The following FREM3 variants were observed in gnomAD, a reference collection of about 807,000 sequenced individuals.
FREM3 encodes FRAS1 related extracellular matrix 3.
FREM3 carries 105 observed loss-of-function variants against 129.1 expected under a neutral mutation model. That is an observed-to-expected ratio of 0.81 (90% CI 0.69 to 0.96). The LOEUF is 0.96. FREM3 is among the 40% of genes least tolerant of loss of function. FREM3 has a pLI of 0.00. For synonymous variants in FREM3, 1,014 were observed against 1,044.9 expected (o/e 0.97, Z 0.57); for missense variants, 2,593 against 2,666.3 (o/e 0.97, Z 0.61).
At chr4:143,600,434 T>C (rs1171687888) in intron 6 of FREM3, among the ~76,000 whole-genome samples, 2 of 152,098 alleles carry the variant, frequency 1.3e-5, no homozygotes, top group African/African-American at 2.4e-5. Flanking sequence ...AGAACTTATT[T>C]ATGTAACCAA....
chr4:143,664,262 T>G (rs759655934), intron 2 of FREM3, among the ~76,000 whole-genome samples: 2 of 152,130 alleles, frequency 1.3e-5, no homozygotes, highest in Non-Finnish European at 2.9e-5. Context: ...GATGAGTTTT[T>G]GGTGTGGATG....
At position 143,585,351 on chromosome 4, in the gene FREM3, A is replaced by G. The variant is rs987644921; in HGVS notation, c.6178+493T>C. On this transcript the variant is annotated intron_variant, in intron 7 of 7. Coordinates refer to ENST00000329798, the MANE Select transcript of FREM3 (RefSeq NM_001168235.2). The surrounding 1 kb of genome is among the most constrained non-coding windows in gnomAD (Gnocchi z 4.2). ...AGGAAATGATATCTAGAATTGTGCC[A>G]TGCTGTCAGCTAGGCCTTGATCATC... Among the ~76,000 whole-genome samples the G allele has an allele frequency of 6.6e-6, 1 of 152,210 alleles. No homozygotes were observed. Among genetic ancestry groups the G allele is most frequent in the Admixed American group, 6.5e-5 (1 of 15,288 alleles).
chr4:143,699,263 A>G lies in FREM3; in HGVS notation c.1413T>C (p.Ala471=). The change falls in exon 1 of 8, where the codon GCT becomes GCC. Residue 471 remains alanine, a synonymous_variant. Transcript: ENST00000329798. This position sits in a 1 kb window ranked among gnomAD's most constrained non-coding sequence, Gnocchi z 4.2. The part of the protein sequence containing the change: ...DKDNLEEVKM[A]AVRGLRHGQL... ...GCCCATGTCTCAAGCCCCTGACTGC[A>G]GCCATTTTCACCTCTTCCAGGTTAT... 3.3e-6 allele frequency: 5 copies of G among 1,537,314 alleles called. No homozygotes were observed. The African/African-American group carries it at 6.8e-5, about 21-fold the overall frequency.
chr4:143,697,380 T>G lies in FREM3; in HGVS notation c.3296A>C (p.Asp1099Ala). The change falls in exon 1 of 8, where the codon GAC (aspartate) becomes GCC (alanine). Residue 1099 changes from aspartate (D) to alanine (A), a missense_variant. Asp to Ala is a moderately radical substitution (Grantham distance 126). This residue lies in a region of FREM3 where 2,276 missense variants were observed against 2,267.2 expected (regional missense o/e 1.00). Transcript: ENST00000329798. ...TLQHLHVEDV[D>A]THQDELLCTV... ...GCAGAGGAGTTCATCTTGATGAGTG[T>G]CCACATCTTCAACATGGAGATGTTG... 6.5e-7 allele frequency: 1 copy of G among 1,537,142 alleles called. No individual in the cohort carries two copies. The highest frequency in any genetic ancestry group is 8.7e-7 in the Non-Finnish European group (1 of 1,146,828).
intron 6 of FREM3, among the ~76,000 whole-genome samples, chr4:143,587,637 G>T (rs182202722): frequency 5.3e-5 from 8 of 152,304 alleles, no homozygotes; most frequent in African/African-American, 1.9e-4. Context: ...AGGAAAGAAG[G>T]AGGATAGGCA....
chr4:143,609,135 GT>G (rs1370715371), intron 6 of FREM3, among the ~76,000 whole-genome samples: 1 of 152,092 alleles, frequency 6.6e-6, no homozygotes, highest in Non-Finnish European at 1.5e-5. Flanking sequence ...CCTAGCCAAG[GT>G]TACCCAGAGA....
intron 3 of FREM3, 37 bp from the exon 4 acceptor site, chr4:143,624,375 A>G: frequency 1.6e-6 from 2 of 1,254,122 alleles, no homozygotes; most frequent in Admixed American, 2.0e-5. Context: ...TATAAAGCCA[A>G]GTGACTGAAG....
chr4:143,638,332 C>T (rs897517418), intron 2 of FREM3, among the ~76,000 whole-genome samples: 3 of 152,094 alleles, frequency 2.0e-5, no homozygotes, highest in Non-Finnish European at 4.4e-5. Flanking sequence ...AAATACACTG[C>T]GTGCCCACAT....
chr4:143,652,005 C>A (rs948162255), intron 2 of FREM3, among the ~76,000 whole-genome samples: 11 of 152,094 alleles, frequency 7.2e-5, no homozygotes, highest in African/African-American at 2.4e-4. Flanking sequence ...CTGCACAAGT[C>A]CCTAGCTGTG....
chr4:143,681,011 A>G (rs955695082), intron 2 of FREM3, among the ~76,000 whole-genome samples: 2 of 152,274 alleles, frequency 1.3e-5, no homozygotes, highest in African/African-American at 4.8e-5. Flanking sequence ...CAAAATGCAT[A>G]ATATTAATCA....
rs1278816063 is a variant in FREM3 at position 143,698,698 on chromosome 4, G to A, written c.1978C>T (p.Leu660Phe). 1 of 1,537,326 alleles carries A rather than the reference G, an allele frequency of 6.5e-7. No homozygotes were observed. Among genetic ancestry groups the A allele is most frequent in the Non-Finnish European group, 8.7e-7 (1 of 1,146,968 alleles). ...ACAGATTGAGGGCTGTGTGGTCCAA[G>A]ATGGCGGTAGAAGAGTCTCCCTTCC... is the stretch of plus-strand genomic sequence containing the variant. ...IMEGRLFYRH[L>F]GPHSPQSVMV... The change falls in exon 1 of 8, where the codon CTT becomes TTT. Residue 660 changes from leucine (L) to phenylalanine (F), a missense_variant. Coordinates refer to ENST00000329798, the MANE Select transcript of FREM3 (RefSeq NM_001168235.2).
At chr4:143,638,282 C>T (rs888275435) in intron 2 of FREM3, among the ~76,000 whole-genome samples, 2 of 151,984 alleles carry the variant, frequency 1.3e-5, no homozygotes, top group Admixed American at 6.6e-5. Context: ...TTTTTAAAAA[C>T]GATTATATTA....
At chr4:143,621,726 G>A (rs1174593584) in intron 4 of FREM3, among the ~76,000 whole-genome samples, 2 of 152,030 alleles carry the variant, frequency 1.3e-5, no homozygotes, top group Admixed American at 6.5e-5. Flanking sequence ...GTGCACACAC[G>A]TTTGTGTGTG....
intron 6 of FREM3, among the ~76,000 whole-genome samples, chr4:143,606,003 T>C (rs1050901527): frequency 3.9e-5 from 6 of 152,192 alleles, no homozygotes; most frequent in Admixed American, 2.6e-4. Context: ...GCCTATGAGA[T>C]GACTGGCAAA....
intron 6 of FREM3, among the ~76,000 whole-genome samples, chr4:143,591,311 A>T (rs1011189064): frequency 6.6e-6 from 1 of 151,992 alleles, no homozygotes; most frequent in African/African-American, 2.4e-5. Context: ...TTGCTTCTCT[A>T]GTTCTTTTAA....
intron 6 of FREM3, among the ~76,000 whole-genome samples, chr4:143,608,988 G>A (rs1437171645): frequency 2.0e-5 from 3 of 152,088 alleles, no homozygotes; most frequent in Non-Finnish European, 4.4e-5. Flanking sequence ...TTTTGTGTAT[G>A]GGTGGTGTTT....
chr4:143,699,360 C>T lies in FREM3; in HGVS notation c.1316G>A (p.Arg439Lys), dbSNP rs1740647063. The T allele has an allele frequency of 6.5e-7, 1 of 1,537,232 alleles. No homozygotes were observed. Among genetic ancestry groups the T allele is most frequent in the South Asian group, 1.2e-5 (1 of 84,062 alleles). ...CTGACCTTCAAAAAGCACAAGTCCC[C>T]TGTTATGGCTAGCCACTGGGACCAG... Reference protein sequence around the residue: ...NTLVPVASHNRGLVLFEGQSR... With the variant: ...NTLVPVASHNKGLVLFEGQSR... Residue 439 changes from arginine (R) to lysine (K), a missense_variant, in exon 1 of 8, where the codon AGG (arginine) becomes AAG (lysine). Physicochemically the swap from Arg to Lys is conservative, Grantham distance 26 (BLOSUM62 2). This residue lies in a region of FREM3 where 2,276 missense variants were observed against 2,267.2 expected (regional missense o/e 1.00). Coordinates refer to ENST00000329798, the MANE Select transcript of FREM3 (RefSeq NM_001168235.2). The surrounding 1 kb of genome is among the most constrained non-coding windows in gnomAD (Gnocchi z 4.2).
At chr4:143,664,868 C>G (rs948756446) in intron 2 of FREM3, among the ~76,000 whole-genome samples, 3 of 152,288 alleles carry the variant, frequency 2.0e-5, no homozygotes, top group Non-Finnish European at 4.4e-5. Context: ...CAGCGAGACT[C>G]CGTGGGCGTA....
At chr4:143,601,961 G>T (rs952696944) in intron 6 of FREM3, 1 of 151,330 alleles carries the variant, frequency 6.6e-6, no homozygotes, top group Non-Finnish European at 1.5e-5. Flanking sequence ...AGCTCCATCT[G>T]GAAAAAAAAA....
Sources: gnomAD v4.1 joint callset for allele counts (sites outside exome capture counted in the v4.1 genomes callset) on GRCh38, gnomAD v4.1.1 for gene constraint, gnomAD v4.1.1 regional missense constraint, Gnocchi (gnomAD v3.1) non-coding constraint, MANE v1.5 for transcripts, NCBI Gene and HGNC (gene_info 2026-07-23, HGNC 2026-07-21) for gene names.